Variants in HSF1 observed in about 807,000 individuals in gnomAD.
HSF1 encodes the protein heat shock transcription factor 1.
Under a neutral mutation model 51.7 loss-of-function variants are expected in HSF1, and 32 were observed. The observed-to-expected ratio is 0.62, with a 90% CI of 0.47 to 0.83. The LOEUF is 0.83. Among genes scored for constraint, HSF1 ranks in the 40% least tolerant of loss-of-function variants. The probability of loss-of-function intolerance (pLI) is 0.00; values close to 1 mark genes in which losing one functional copy is unlikely to be tolerated. For missense variants in HSF1, 727 were observed against 717.0 expected, an observed-to-expected ratio of 1.01 and a Z score of -0.16; for synonymous variants, 396 against 309.7, an observed-to-expected ratio of 1.28 and a Z score of -2.92.
intron 9 of HSF1, chr8:144,312,817 T>C: frequency 3.8e-6 from 4 of 1,046,668 alleles, no homozygotes; most frequent in South Asian, 2.7e-5. Context: ...GCGTCGGGCC[T>C]GGGCGGCAGC....
chr8:144,294,959 C>T (rs1327273151), intron 1 of HSF1, among the ~76,000 whole-genome samples: 1 of 152,232 alleles, frequency 6.6e-6, no homozygotes, highest in Admixed American at 6.5e-5. Context: ...TTCTCAACAG[C>T]TTCTCCCAAA....
At chr8:144,304,845 T>C (rs1208884864) in intron 1 of HSF1, among the ~76,000 whole-genome samples, 3 of 151,494 alleles carry the variant, frequency 2.0e-5, no homozygotes, top group African/African-American at 7.3e-5. Flanking sequence ...GGTTTCACCA[T>C]GCTGGCCAGG....
chr8:144,309,071 G>A lies in HSF1; in HGVS notation c.226+57G>A, dbSNP rs940264036. ...CGGGAGGCAGACCTGCAGATGGCGG[G>A]ACCCCAGCAGGAGGACCCTGTGATG... On this transcript the variant is annotated intron_variant, in intron 2 of 12. Transcript: ENST00000528838. The A allele has an allele frequency of 1.4e-5, 18 of 1,311,254 alleles. No homozygotes were observed. The Admixed American group carries it at 3.0e-4, about 22-fold the overall frequency. The allele number at this position is 1,311,254 out of a possible 1,614,324, so 81.2% of individuals were successfully genotyped here.
intron 4 of HSF1, chr8:144,310,918 C>A: frequency 1.8e-6 from 1 of 546,314 alleles, no homozygotes; most frequent in Admixed American, 3.2e-5. Context: ...TCCGGGTGCA[C>A]CTGGCTCGCA....
rs1554840370 is a variant in HSF1 at position 144,291,748 on chromosome 8, C to T, written c.-10C>T. 3 of 1,476,834 alleles carry T rather than the reference C, an allele frequency of 2.0e-6. No homozygotes were observed. The African/African-American group carries it at 4.4e-5, about 22-fold the overall frequency. 91.5% of individuals were successfully genotyped at this position (1,476,834 alleles called of 1,614,324 possible). On this transcript the variant is annotated 5_prime_UTR_variant, in exon 1 of 13. Coordinates refer to ENST00000528838, the MANE Select transcript of HSF1 (RefSeq NM_005526.4). The surrounding 1 kb of genome is among the most constrained non-coding windows in gnomAD (Gnocchi z 4.1). ...GGCCGCTCCCTCCGCCTATTCCCTC[C>T]TTGCTCGAGATGGATCTGCCCGTGG...
intron 1 of HSF1, among the ~76,000 whole-genome samples, chr8:144,306,636 C>T (rs1816246502): frequency 6.6e-6 from 1 of 152,166 alleles, no homozygotes; most frequent in Non-Finnish European, 1.5e-5. Context: ...GTGCTGGGAC[C>T]GCAGGCGTGA....
chr8:144,299,608 AAC>A (rs1247578531), intron 1 of HSF1, among the ~76,000 whole-genome samples: 1 of 151,600 alleles, frequency 6.6e-6, no homozygotes, highest in African/African-American at 2.4e-5. Context: ...TCAAAGAAAT[AAC>A]ACAAAAATGT....
Position 144,311,502 on chromosome 8 carries a change from C to T in HSF1, c.627-3C>T, listed in dbSNP as rs781934964. 3 of 1,613,608 alleles carry T rather than the reference C, an allele frequency of 1.9e-6. No individual in the cohort carries two copies. Among genetic ancestry groups the T allele is most frequent in the South Asian group, 2.2e-5 (2 of 91,088 alleles). ...GGTGGCTGACCTGCACCCTTCCCCA[C>T]AGCCCCCTGATGCTGAACGACAGTG... On this transcript the variant is annotated splice_polypyrimidine_tract_variant and splice_region_variant and intron_variant, in intron 6 of 12. Coordinates refer to ENST00000528838, the MANE Select transcript of HSF1 (RefSeq NM_005526.4).
At chr8:144,306,158 C>T (rs959053001) in intron 1 of HSF1, among the ~76,000 whole-genome samples, 5 of 152,086 alleles carry the variant, frequency 3.3e-5, no homozygotes, top group Non-Finnish European at 7.4e-5. Flanking sequence ...TACTTTAGTT[C>T]TTCAGATGTG....
In HSF1 at chr8:144,312,123, G is replaced by T. The variant is rs1554844902; in HGVS notation, c.1021G>T (p.Ala341Ser). ...IDSILRESEP[A>S]PASVTALTDA... ...CTCCATCCTGCGGGAGAGTGAACCT[G>T]CCCCCGCCTCCGTCACAGCCCTCAC... The change falls in exon 9 of 13, where the codon GCC becomes TCC. Residue 341 changes from alanine to serine, a missense_variant. By Grantham distance (99) the Ala-to-Ser change is moderately conservative. Around this residue, in one of 2 missense-constraint regions of HSF1, gnomAD observed 470 missense variants for 398.8 expected, o/e 1.18. Coordinates refer to ENST00000528838, the MANE Select transcript of HSF1 (RefSeq NM_005526.4). The T allele has an allele frequency of 1.2e-6, 2 of 1,612,052 alleles. No homozygotes were observed. Among genetic ancestry groups the T allele is most frequent in the African/African-American group, 2.7e-5 (2 of 74,884 alleles).
At chr8:144,299,379 GTGAGCCGAGATCGCATCAC>G (rs1200018758) in intron 1 of HSF1, among the ~76,000 whole-genome samples, 3 of 151,452 alleles carry the variant, frequency 2.0e-5, no homozygotes, top group Non-Finnish European at 4.4e-5. Flanking sequence ...AGAGGTTGCA[GTGAGCCGAGATCGCATCAC>G]TGCACTTCAG....
chr8:144,313,948 C>T (rs781984948), intron 11 of HSF1, 37 bp downstream of exon 11: 54 of 1,610,364 alleles, frequency 3.4e-5, no homozygotes, highest in Non-Finnish European at 4.0e-5. Flanking sequence ...GGAACGAGAC[C>T]AGCGGGAGTG....
chr8:144,310,039 GC>G, intron 4 of HSF1, 143 bp downstream of exon 4: 1 of 1,017,978 alleles, frequency 9.8e-7, no homozygotes, highest in Non-Finnish European at 1.4e-6. Flanking sequence ...CTGGGCCTCT[GC>G]CCCAGCCCCG....
At chr8:144,302,210 A>T (rs1477131310) in intron 1 of HSF1, among the ~76,000 whole-genome samples, 1 of 151,064 alleles carries the variant, frequency 6.6e-6, no homozygotes. Context: ...ACAACCATTT[A>T]AAAAAAATTA....
At chr8:144,303,906 A>C (rs1816054361) in intron 1 of HSF1, among the ~76,000 whole-genome samples, 1 of 152,156 alleles carries the variant, frequency 6.6e-6, no homozygotes, top group Non-Finnish European at 1.5e-5. Context: ...TGGTTTTGAA[A>C]ATGCTTTAAT....
intron 4 of HSF1, 105 bp from the exon 5 acceptor site, chr8:144,311,069 C>T (rs1279713170): frequency 6.4e-6 from 7 of 1,100,062 alleles, no homozygotes; most frequent in Non-Finnish European, 2.6e-6. Context: ...GACATGGTCA[C>T]ACTTACCCCT....
Position 144,311,474 on chromosome 8 carries a change from G to A in HSF1, c.627-31G>A, listed in dbSNP as rs1481809435. 11 of 1,612,458 alleles carry A rather than the reference G, an allele frequency of 6.8e-6. No individual in the cohort carries two copies. In the African/African-American group the frequency reaches 1.2e-4, roughly 18 times the overall value. ...GTGCCCCGGGTACCCCGAGGTGGGG[G>A]GTGGTGGCTGACCTGCACCCTTCCC... On this transcript the variant is annotated intron_variant, in intron 6 of 12. Coordinates refer to ENST00000528838, the MANE Select transcript of HSF1 (RefSeq NM_005526.4).
chr8:144,308,432 T>C (rs1284429341), intron 1 of HSF1, among the ~76,000 whole-genome samples: 1 of 152,268 alleles, frequency 6.6e-6, no homozygotes, highest in East Asian at 1.9e-4. Flanking sequence ...AACGCGACTG[T>C]GTTTTCCTCG....
intron 1 of HSF1, among the ~76,000 whole-genome samples, chr8:144,303,005 C>T (rs1815997943): frequency 6.6e-6 from 1 of 152,064 alleles, no homozygotes. Flanking sequence ...GCCCCTGGAA[C>T]TCACCCGTGC....
Sources: gnomAD v4.1 joint callset for allele counts (sites outside exome capture counted in the v4.1 genomes callset) on GRCh38, gnomAD v4.1.1 for gene constraint, gnomAD v4.1.1 regional missense constraint, Gnocchi (gnomAD v3.1) non-coding constraint, MANE v1.5 for transcripts, NCBI Gene and HGNC (gene_info 2026-07-23, HGNC 2026-07-21) for gene names.